Variants in APBB1IP observed in about 807,000 individuals in gnomAD.
The protein encoded by APBB1IP is amyloid beta A4 precursor protein-binding family B member 1-interacting protein.
A neutral mutation model predicts 64.9 loss-of-function variants in APBB1IP; 27 were observed. The observed-to-expected ratio is 0.42, with a 90% CI of 0.31 to 0.57. The LOEUF (loss-of-function observed/expected upper bound fraction) is 0.57. Among genes scored for constraint, APBB1IP ranks in the 20% least tolerant of loss-of-function variants. The pLI, the probability that APBB1IP is intolerant of heterozygous loss-of-function variation, is 0.20. For synonymous variants in APBB1IP, 392 were observed against 331.0 expected, an observed-to-expected ratio of 1.18 and a Z score of -2.00; for missense variants, 812 against 845.5, an observed-to-expected ratio of 0.96 and a Z score of 0.49.
At chr10:26,458,388 A>G (rs536189851) in intron 2 of APBB1IP, among the ~76,000 whole-genome samples, 1 of 151,836 alleles carries the variant, frequency 6.6e-6, no homozygotes, top group Admixed American at 6.6e-5. Flanking sequence ...ACTCTGTCGA[A>G]AGGAAGGAAG....
At chr10:26,543,170 T>A (rs1393676445) in intron 11 of APBB1IP, among the ~76,000 whole-genome samples, 2 of 151,804 alleles carry the variant, frequency 1.3e-5, no homozygotes, top group African/African-American at 4.8e-5. Context: ...AGTCATTTAA[T>A]GTTTGTTGAA....
chr10:26,457,716 C>T (rs1331964251), intron 2 of APBB1IP, among the ~76,000 whole-genome samples: 1 of 152,270 alleles, frequency 6.6e-6, no homozygotes, highest in Non-Finnish European at 1.5e-5. Flanking sequence ...GCTCTCTATG[C>T]AATGGGAAGT....
chr10:26,523,081 AT>A (rs1481160226), intron 8 of APBB1IP, among the ~76,000 whole-genome samples: 1 of 151,540 alleles, frequency 6.6e-6, no homozygotes, highest in Non-Finnish European at 1.5e-5. Context: ...TTAGAAATAG[AT>A]TAGGTGGAGC....
chr10:26,492,392 G>T lies in APBB1IP; in HGVS notation c.66G>T (p.Leu22=). ...CTTTGCTGGGAGAGATGGATCTTCT[G>T]ACTCAGGTAAACTTCCCTTTTTAAC... ...FSTLLGEMDL[L]TQSLGVDTLP... The change falls in exon 3 of 15, where the codon CTG becomes CTT. Residue 22 remains leucine (L), a synonymous_variant. Transcript: ENST00000376236. 1 of 1,613,868 alleles carries T rather than the reference G, an allele frequency of 6.2e-7. No homozygotes were observed. The highest frequency in any genetic ancestry group is 8.5e-7 in the Non-Finnish European group (1 of 1,179,886).
chr10:26,530,432 A>T (rs1487644340), intron 8 of APBB1IP, among the ~76,000 whole-genome samples: 2 of 151,816 alleles, frequency 1.3e-5, no homozygotes, highest in African/African-American at 4.8e-5. Context: ...TGGCTCACGC[A>T]TGTAATCGCA....
At chr10:26,519,662 A>G (rs1288644871) in intron 8 of APBB1IP, among the ~76,000 whole-genome samples, 1 of 152,182 alleles carries the variant, frequency 6.6e-6, no homozygotes, top group Non-Finnish European at 1.5e-5. Flanking sequence ...GGAAGCAGAA[A>G]TTCTCCTCAT....
rs558435214 is a variant in APBB1IP, at chr10:26,464,617, C to T, written c.-1+25764C>T. Among the ~76,000 whole-genome samples the T allele has an allele frequency of 1.0e-3, 158 of 152,228 alleles. 1 individual carries two copies. The East Asian group carries it at 0.025, about 24-fold the overall frequency. ...GGAGACAGGTTCTTGTTGTGTTGCCCAGGCTGGTCTCAAACTCCTGGCCTC... is the reference window on the plus strand; with the variant it reads ...GGAGACAGGTTCTTGTTGTGTTGCCTAGGCTGGTCTCAAACTCCTGGCCTC... On this transcript the variant is annotated intron_variant, in intron 2 of 14. Transcript: ENST00000376236.
chr10:26,447,111 T>C (rs928913671), intron 2 of APBB1IP, among the ~76,000 whole-genome samples: 3 of 151,974 alleles, frequency 2.0e-5, no homozygotes, highest in African/African-American at 2.4e-5. Flanking sequence ...TGGTGGCTCA[T>C]GCCTGTAATC....
At position 26,567,449 on chromosome 10, in the gene APBB1IP, C is replaced by T. The variant is rs757385439; in HGVS notation, c.1962C>T (p.Leu654=). The part of the protein sequence containing the change: ...GGGEQDFMSD[L]MKALQKKRGN... ...GGGAGCAAGATTTCATGTCAGACCT[C>T]ATGAAAGCTTTGCAAAAGAAGAGAG... Residue 654 remains leucine, a synonymous_variant, in exon 15 of 15, where the codon CTC becomes CTT. Transcript: ENST00000376236. 6 of 1,604,554 alleles carry T rather than the reference C, an allele frequency of 3.7e-6. No homozygotes were observed. Among genetic ancestry groups the T allele is most frequent in the Non-Finnish European group, 5.1e-6 (6 of 1,173,618 alleles).
chr10:26,531,704 AT>A (rs1270077207), intron 8 of APBB1IP, among the ~76,000 whole-genome samples: 2 of 151,708 alleles, frequency 1.3e-5, no homozygotes, highest in Non-Finnish European at 2.9e-5. Flanking sequence ...TTTTTTATGC[AT>A]TGTATTTCAA....
chr10:26,552,460 G>A (rs2132477658), intron 11 of APBB1IP, among the ~76,000 whole-genome samples: 1 of 152,160 alleles, frequency 6.6e-6, no homozygotes, highest in East Asian at 1.9e-4. Context: ...TCAGCCTGGT[G>A]TGGTGGTGCA....
At chr10:26,470,324 G>A (rs1348235577) in intron 2 of APBB1IP, among the ~76,000 whole-genome samples, 4 of 152,128 alleles carry the variant, frequency 2.6e-5, no homozygotes, top group Non-Finnish European at 4.4e-5. Context: ...ATCACCTGAG[G>A]ACAGGAGTTT....
intron 8 of APBB1IP, among the ~76,000 whole-genome samples, chr10:26,523,848 C>A (rs900855319): frequency 6.6e-6 from 1 of 151,862 alleles, no homozygotes; most frequent in African/African-American, 2.4e-5. Context: ...AAAGAAAGAC[C>A]CTGGCCTTGA....
intron 9 of APBB1IP, among the ~76,000 whole-genome samples, chr10:26,533,734 G>T (rs1377167296): frequency 6.6e-6 from 1 of 152,212 alleles, no homozygotes; most frequent in Middle Eastern, 3.4e-3. Context: ...TGTGGCTTTA[G>T]ATAAATGAAG....
intron 2 of APBB1IP, among the ~76,000 whole-genome samples, chr10:26,473,008 A>G (rs1348927984): frequency 6.6e-6 from 1 of 152,140 alleles, no homozygotes; most frequent in East Asian, 1.9e-4. Flanking sequence ...ATTTCTTCTT[A>G]GGATTACAAA....
In APBB1IP at chr10:26,560,854, G is replaced by A; in HGVS notation, c.1369+10G>A. On this transcript the variant is annotated intron_variant, in intron 13 of 14. Transcript: ENST00000376236. Reference sequence around the variant, plus strand: ...GCTCAGCCATCTACAGGTACTAAGTGGAGGAGAAATTCCAACACATATTCA... The same window carrying A: ...GCTCAGCCATCTACAGGTACTAAGTAGAGGAGAAATTCCAACACATATTCA... The A allele has an allele frequency of 6.4e-7, 1 of 1,567,690 alleles. No homozygotes were observed. Among genetic ancestry groups the A allele is most frequent in the Non-Finnish European group, 8.6e-7 (1 of 1,157,302 alleles).
chr10:26,471,624 T>G (rs576369349), intron 2 of APBB1IP, among the ~76,000 whole-genome samples: 2 of 152,146 alleles, frequency 1.3e-5, no homozygotes, highest in Non-Finnish European at 2.9e-5. Flanking sequence ...GAAATGACCG[T>G]AAATCCTTCC....
At chr10:26,447,838 A>G (rs10764621) in intron 2 of APBB1IP, among the ~76,000 whole-genome samples, 58,982 of 151,874 alleles carry the variant, frequency 0.39, 11,640 homozygotes, top group South Asian at 0.5. Context: ...GAGGCACTAT[A>G]TTGCCCTGGC....
chr10:26,506,161 A>G (rs1158768064), intron 6 of APBB1IP, among the ~76,000 whole-genome samples: 1 of 146,654 alleles, frequency 6.8e-6, no homozygotes, highest in Non-Finnish European at 1.5e-5. Context: ...GGCCTTTCCT[A>G]TCTAACACCA....
Sources: allele counts gnomAD v4.1 joint callset (sites outside exome capture counted in the v4.1 genomes callset), GRCh38; gene constraint gnomAD v4.1.1; transcripts MANE v1.5; gene names NCBI Gene and HGNC (gene_info 2026-07-23, HGNC 2026-07-21).